Variants in MTUS2 observed in about 807,000 individuals in gnomAD.
The protein encoded by MTUS2 is microtubule associated scaffold protein 2, also known as microtubule-associated tumor suppressor candidate 2.
A neutral mutation model predicts 114.1 loss-of-function variants in MTUS2; 40 were observed. That is an observed-to-expected ratio of 0.35 (90% CI 0.27 to 0.46). The LOEUF is 0.46. MTUS2 is among the 20% of genes least tolerant of loss of function. The pLI, the probability that MTUS2 is intolerant of heterozygous loss-of-function variation, is 1.00. For missense variants in MTUS2, 1,679 were observed against 1,705.4 expected, an observed-to-expected ratio of 0.98 and a Z score of 0.27; for synonymous variants, 688 against 672.0, an observed-to-expected ratio of 1.02 and a Z score of -0.37.
chr13:29,221,013 A>G (rs984078210), intron 5 of MTUS2, among the ~76,000 whole-genome samples: 6 of 152,234 alleles, frequency 3.9e-5, no homozygotes, highest in African/African-American at 1.4e-4. Context: ...ATTTCCAACA[A>G]TAGAGGTGTG....
intron 5 of MTUS2, among the ~76,000 whole-genome samples, chr13:29,141,386 C>G (rs141068237): frequency 4.0e-4 from 61 of 152,214 alleles, no homozygotes; most frequent in Middle Eastern, 3.4e-3. Context: ...TGGAAATATC[C>G]AGGCAGATAG....
At chr13:29,124,326 C>T (rs1006515078) in intron 5 of MTUS2, among the ~76,000 whole-genome samples, 32 of 151,628 alleles carry the variant, frequency 2.1e-4, no homozygotes, top group African/African-American at 7.0e-4. Flanking sequence ...TAAATTATTA[C>T]AATATAGTAT....
intron 6 of MTUS2, among the ~76,000 whole-genome samples, chr13:29,289,501 C>A (rs1443531134): frequency 7.2e-6 from 1 of 139,686 alleles, no homozygotes; most frequent in South Asian, 2.2e-4. Context: ...CTCGCTCTGT[C>A]GCCCAGGCTG....
intron 1 of MTUS2, among the ~76,000 whole-genome samples, chr13:28,822,838 AT>A (rs1874003203): frequency 6.6e-6 from 1 of 152,152 alleles, no homozygotes; most frequent in South Asian, 2.1e-4. Flanking sequence ...TCTTAGTTTA[AT>A]TTTTGTCATC....
At chr13:29,062,783 G>A (rs888830319) in intron 4 of MTUS2, among the ~76,000 whole-genome samples, 1 of 152,114 alleles carries the variant, frequency 6.6e-6, no homozygotes, top group Non-Finnish European at 1.5e-5. Context: ...ATACATGCTA[G>A]TCTACAATGA....
chr13:29,040,659 AGGAG>A (rs1164017503), intron 4 of MTUS2, among the ~76,000 whole-genome samples: 7 of 152,188 alleles, frequency 4.6e-5, no homozygotes, highest in Non-Finnish European at 1.0e-4. Context: ...GCATTCTTGC[AGGAG>A]TAAGGTGGTA....
intron 2 of MTUS2, among the ~76,000 whole-genome samples, chr13:29,020,439 C>A (rs1173344886): frequency 1.3e-5 from 2 of 152,022 alleles, no homozygotes; most frequent in Non-Finnish European, 2.9e-5. Flanking sequence ...AAATTTAGAT[C>A]CGGACAGAAA....
intron 5 of MTUS2, among the ~76,000 whole-genome samples, chr13:29,158,358 C>CCCCCCCTCCCTTT: frequency 3.1e-5 from 1 of 32,048 alleles, no homozygotes; most frequent in Non-Finnish European, 5.1e-5. Context: ...GTCCACCCCG[C>CCCCCCCTCCCTTT]TTTTTTTTTT....
chr13:29,303,822 A>G (rs956151268), intron 6 of MTUS2, among the ~76,000 whole-genome samples: 1 of 152,206 alleles, frequency 6.6e-6, no homozygotes, highest in African/African-American at 2.4e-5. Context: ...GATCAACCCC[A>G]AGACACAGAA....
At chr13:29,003,910 C>T (rs570072694) in intron 2 of MTUS2, among the ~76,000 whole-genome samples, 2 of 152,312 alleles carry the variant, frequency 1.3e-5, no homozygotes, top group Admixed American at 1.3e-4. Context: ...TCACCATCAT[C>T]ATAGTCTTCA....
intron 8 of MTUS2, among the ~76,000 whole-genome samples, chr13:29,378,870 T>A: frequency 6.6e-6 from 1 of 152,186 alleles, no homozygotes; most frequent in Non-Finnish European, 1.5e-5. Context: ...AAATCTCATC[T>A]TGAATTGTAA....
chr13:28,984,293 A>G (rs1884482150), intron 2 of MTUS2, among the ~76,000 whole-genome samples: 1 of 152,208 alleles, frequency 6.6e-6, no homozygotes, highest in Admixed American at 6.5e-5. Context: ...ATCTCTTGGG[A>G]AAAATGAGAC....
chr13:28,966,480 G>T (rs1422667103), intron 2 of MTUS2, among the ~76,000 whole-genome samples: 2 of 152,152 alleles, frequency 1.3e-5, no homozygotes, highest in African/African-American at 4.8e-5. Context: ...CAAGCACGTT[G>T]TGGGGGCTGA....
rs1173039982 is a variant in MTUS2, at chr13:29,306,242, CTCT to C, written c.2807-18370_2807-18368del. Among the ~76,000 whole-genome samples the C allele has an allele frequency of 2.0e-5, 3 of 152,282 alleles. No individual in the cohort carries two copies. The East Asian group carries it at 5.8e-4, about 29-fold the overall frequency. On this transcript the variant is annotated intron_variant, in intron 6 of 15. Transcript: ENST00000612955. ...AAAACTAGCACAAGACAGGGATGCC[CTCT>C]CTCACCACTCCTATTCAACATAGTA...
intron 8 of MTUS2, among the ~76,000 whole-genome samples, chr13:29,419,369 T>C (rs1194935579): frequency 6.6e-6 from 1 of 151,866 alleles, no homozygotes; most frequent in African/African-American, 2.4e-5. Flanking sequence ...AGAACAGAGG[T>C]GGAAAGACTG....
Position 28,874,123 on chromosome 13 carries a change from A to G in MTUS2, c.-243+34273A>G, listed in dbSNP as rs142941597. ...AACCTCCGCCTCCTGGGTTCAAGCA[A>G]TTCTCTGCCTCAGCCTCCCAAGTAG... On this transcript the variant is annotated intron_variant, in intron 2 of 15. Transcript: ENST00000612955. Among the ~76,000 whole-genome samples the G allele has an allele frequency of 6.6e-3, 1,011 of 152,122 alleles. 6 individuals are homozygous for G. The highest frequency in any genetic ancestry group is 0.022 in the African/African-American group (918 of 41,478).
intron 5 of MTUS2, among the ~76,000 whole-genome samples, chr13:29,245,000 G>C (rs1474106656): frequency 2.0e-5 from 3 of 149,308 alleles, no homozygotes; most frequent in Admixed American, 6.7e-5. Flanking sequence ...CTGTTGAGTG[G>C]AAGATGTAAA....
chr13:29,440,364 G>A (rs1877744342), intron 9 of MTUS2, among the ~76,000 whole-genome samples: 1 of 152,156 alleles, frequency 6.6e-6, no homozygotes, highest in African/African-American at 2.4e-5. Context: ...ATAAAACGAG[G>A]TGCTGTCTGC....
chr13:28,838,477 C>T (rs1875243457), intron 1 of MTUS2, among the ~76,000 whole-genome samples: 1 of 152,192 alleles, frequency 6.6e-6, no homozygotes, highest in African/African-American at 2.4e-5. Flanking sequence ...CCCTTCATTG[C>T]CCCATGGACT....
Sources: gnomAD v4.1 joint callset for allele counts (sites outside exome capture counted in the v4.1 genomes callset) on GRCh38, gnomAD v4.1.1 for gene constraint, MANE v1.5 for transcripts, NCBI Gene and HGNC (gene_info 2026-07-23, HGNC 2026-07-21) for gene names.